Variants in SLC9A1 observed in about 807,000 individuals in gnomAD.
SLC9A1 encodes the protein sodium/hydrogen exchanger 1.
A neutral mutation model predicts 67.9 loss-of-function variants in SLC9A1; 22 were observed. That is an observed-to-expected ratio of 0.32 (90% confidence interval 0.23 to 0.46). The LOEUF is 0.46. SLC9A1 is among the 20% of genes least tolerant of loss of function. SLC9A1 has a pLI of 1.00. For missense variants in SLC9A1, 686 were observed against 1,094.8 expected (o/e 0.63, Z 5.27); for synonymous variants, 421 against 471.8 (o/e 0.89, Z 1.40).
In SLC9A1 at chr1:27,101,268, T is replaced by C. The variant is rs754995174; in HGVS notation, c.2045A>G (p.Asn682Ser). 4.3e-6 allele frequency: 7 copies of C among 1,611,748 alleles called. No homozygotes were observed. The highest frequency in any genetic ancestry group is 5.9e-6 in the Non-Finnish European group (7 of 1,179,684). The change falls in exon 11 of 12, where the codon AAC (asparagine) becomes AGC (serine). Residue 682 changes from asparagine (N) to serine (S), a missense_variant. Asn to Ser is a conservative substitution (Grantham distance 46, BLOSUM62 1). Around this residue, in one of 7 missense-constraint regions of SLC9A1, gnomAD observed 226 missense variants for 282.4 expected, o/e 0.80. Transcript: ENST00000263980. The surrounding 1 kb of genome is among the most constrained non-coding windows in gnomAD (Gnocchi z 4.9). ...KARQLEQKIN[N>S]YLTVPAHKLD... Reference sequence around the variant, plus strand: ...CTTGTGGGCTGGCACCGTCAGGTAGTTGTTGATCTGACAGAGAGGACAGAC... The same window carrying C: ...CTTGTGGGCTGGCACCGTCAGGTAGCTGTTGATCTGACAGAGAGGACAGAC...
At chr1:27,131,724 C>T (rs537512716) in intron 1 of SLC9A1, among the ~76,000 whole-genome samples, 80 of 133,884 alleles carry the variant, frequency 6.0e-4, no homozygotes, top group African/African-American at 2.1e-3. Context: ...TCCAGCCTGG[C>T]AACAGAATGA....
chr1:27,102,918 C>G, intron 6 of SLC9A1, 175 bp from the exon 7 acceptor site: 1 of 641,948 alleles, frequency 1.6e-6, no homozygotes, highest in Non-Finnish European at 2.8e-6. Flanking sequence ...GCGGCCCTGA[C>G]TCTGGGTATC....
chr1:27,108,140 C>G (rs985115114), intron 3 of SLC9A1, among the ~76,000 whole-genome samples: 1 of 149,060 alleles, frequency 6.7e-6, no homozygotes, highest in Non-Finnish European at 1.5e-5. Flanking sequence ...GATCTTGGCT[C>G]ACTGCAACCT....
In SLC9A1 at chr1:27,126,436, C is replaced by CG. The variant is rs370198060; in HGVS notation, c.353-12151dup. On this transcript the variant is annotated intron_variant, in intron 1 of 11. Transcript: ENST00000263980. ...CACTGGGCGAACCACAAGATGTTGTCGGGGGGGTCACCATCAGCTTGTCCC... is the reference window on the plus strand; with the variant it reads ...CACTGGGCGAACCACAAGATGTTGTCGGGGGGGGTCACCATCAGCTTGTCCC... Among the ~76,000 whole-genome samples, 276 of 152,188 alleles carry CG rather than the reference C, an allele frequency of 1.8e-3. 2 individuals carry two copies. In the Middle Eastern group the frequency reaches 0.021, roughly 11 times the overall value.
Position 27,100,757 on chromosome 1 carries a change from C to G in SLC9A1, c.2111-113G>C. 1.2e-6 allele frequency: 1 copy of G among 836,546 alleles called. No individual in the cohort carries two copies. The allele number at this position is 836,546 out of a possible 1,614,324, so 51.8% of individuals were successfully genotyped here. On this transcript the variant is annotated intron_variant, in intron 11 of 11. Coordinates refer to ENST00000263980, the MANE Select transcript of SLC9A1 (RefSeq NM_003047.5). The surrounding 1 kb of genome is among the most constrained non-coding windows in gnomAD (Gnocchi z 5.6). ...GGCCTTCTCATGAGCACAGCCGTCC[C>G]GGTCCCAACAGGCCTCAGAAGCAGG...
At chr1:27,124,704 G>A (rs1003342467) in intron 1 of SLC9A1, among the ~76,000 whole-genome samples, 1 of 152,172 alleles carries the variant, frequency 6.6e-6, no homozygotes, top group Non-Finnish European at 1.5e-5. Flanking sequence ...CAGCTTTATG[G>A]GGTCTATTGT....
At chr1:27,110,308 G>A (rs1461682361) in intron 2 of SLC9A1, among the ~76,000 whole-genome samples, 1 of 152,150 alleles carries the variant, frequency 6.6e-6, no homozygotes, top group African/African-American at 2.4e-5. Context: ...CACAAAAAAG[G>A]GACGTTCACA....
Position 27,100,590 on chromosome 1 carries a change from G to A in SLC9A1, c.2165C>T (p.Ala722Val), listed in dbSNP as rs757684057. ...EDLPVITIDPASPQSPESVDL... is the reference protein window; with the variant it reads ...EDLPVITIDPVSPQSPESVDL... ...CACAGACTCGGGTGACTGCGGGGAA[G>A]CCGGGTCGATGGTGATGACAGGCAG... Residue 722 changes from alanine (A) to valine (V), a missense_variant, in exon 12 of 12, where the codon GCT becomes GTT. Physicochemically the swap from Ala to Val is moderately conservative, Grantham distance 64. This residue lies in a region of SLC9A1 where 226 missense variants were observed against 282.4 expected (regional missense o/e 0.80). Coordinates refer to ENST00000263980, the MANE Select transcript of SLC9A1 (RefSeq NM_003047.5). The surrounding 1 kb of genome is among the most constrained non-coding windows in gnomAD (Gnocchi z 5.6). 6.2e-7 allele frequency: 1 copy of A among 1,613,776 alleles called. No individual in the cohort carries two copies. Among genetic ancestry groups the A allele is most frequent in the Non-Finnish European group, 8.5e-7 (1 of 1,179,776 alleles).
At chr1:27,107,247 CCCAGCCCTTCCACATAT>C (rs2083193838) in intron 4 of SLC9A1, among the ~76,000 whole-genome samples, 1 of 138,582 alleles carries the variant, frequency 7.2e-6, no homozygotes, top group African/African-American at 2.7e-5. Context: ...TACACACACA[CCCAGCCCTTCCACATAT>C]ACACCCAGCC....
intron 1 of SLC9A1, among the ~76,000 whole-genome samples, chr1:27,121,489 G>A (rs1391326456): frequency 6.6e-6 from 1 of 152,186 alleles, no homozygotes; most frequent in Non-Finnish European, 1.5e-5. Context: ...CTTGTGCACT[G>A]AAACGACTGA....
At chr1:27,108,073 T>TC (rs2083202345) in intron 3 of SLC9A1, among the ~76,000 whole-genome samples, 6 of 149,246 alleles carry the variant, frequency 4.0e-5, no homozygotes, top group Middle Eastern at 3.5e-3. Context: ...TTTTTTTTTT[T>TC]TTTTTTTTTT....
intron 5 of SLC9A1, chr1:27,104,076 CTTTTTTTTTTTTTT>C (rs776799812): frequency 8.4e-6 from 1 of 119,244 alleles, no homozygotes; most frequent in Admixed American, 9.2e-5. Context: ...GCCTCCTCCT[CTTTTTTTTTTTTTT>C]TTTTTTTTTG....
chr1:27,107,140 ACCCACACCC>A (rs2083191108), intron 4 of SLC9A1, among the ~76,000 whole-genome samples: 2 of 42,262 alleles, frequency 4.7e-5, no homozygotes, highest in South Asian at 9.7e-4. Context: ...ACACACACAC[ACCCACACCC>A]TCACAGCCCC....
At chr1:27,131,947 A>AAAAAAAAAAAATATATAT in intron 1 of SLC9A1, among the ~76,000 whole-genome samples, 1 of 52,122 alleles carries the variant, frequency 1.9e-5, no homozygotes, top group African/African-American at 6.4e-5. Flanking sequence ...AGAAAAAAAA[A>AAAAAAAAAAAATATATAT]ATATATATAT....
rs368031209 is a variant in SLC9A1, at chr1:27,118,909, G to A, written c.353-4623C>T. Among the ~76,000 whole-genome samples the A allele has an allele frequency of 3.1e-3, 465 of 152,264 alleles. 6 individuals carry two copies. Among genetic ancestry groups the A allele is most frequent in the African/African-American group, 0.01 (424 of 41,538 alleles). On this transcript the variant is annotated intron_variant, in intron 1 of 11. Coordinates refer to ENST00000263980, the MANE Select transcript of SLC9A1 (RefSeq NM_003047.5). The surrounding 1 kb of genome is among the most constrained non-coding windows in gnomAD (Gnocchi z 4.3). Reference sequence around the variant, plus strand: ...CAGAACAAGGAGGCACGAAAGTGTGGAATTCAACATCTCCAAGCACAGCCA... The same window carrying A: ...CAGAACAAGGAGGCACGAAAGTGTGAAATTCAACATCTCCAAGCACAGCCA...
intron 1 of SLC9A1, among the ~76,000 whole-genome samples, chr1:27,139,223 C>A (rs997670631): frequency 3.3e-5 from 5 of 152,176 alleles, no homozygotes; most frequent in Admixed American, 2.6e-4. Flanking sequence ...GGTGTCACGG[C>A]CATTGCCTGA....
In SLC9A1 at chr1:27,138,940, G is replaced by A. The variant is rs116350988; in HGVS notation, c.352+15043C>T. Among the ~76,000 whole-genome samples, 1,230 of 152,202 alleles carry A rather than the reference G, an allele frequency of 8.1e-3. 25 individuals carry two copies. The highest frequency in any genetic ancestry group is 0.027 in the African/African-American group (1,139 of 41,464). The stretch of plus-strand genomic sequence containing the variant: ...CCTGCAGGCAGACAGCAGTGGAGCC[G>A]CAAGACCATTCAGGAGGCCCGGGAA... On this transcript the variant is annotated intron_variant, in intron 1 of 11. Transcript: ENST00000263980.
intron 1 of SLC9A1, among the ~76,000 whole-genome samples, chr1:27,133,208 C>T (rs542698447): frequency 2.0e-5 from 3 of 152,246 alleles, no homozygotes; most frequent in Admixed American, 2.0e-4. Flanking sequence ...GCTGGGATTA[C>T]AGGCATGCAC....
At chr1:27,139,637 T>G (rs190042387) in intron 1 of SLC9A1, among the ~76,000 whole-genome samples, 2 of 152,178 alleles carry the variant, frequency 1.3e-5, no homozygotes, top group Non-Finnish European at 2.9e-5. Context: ...GCAAAACAGG[T>G]GAGTGAGGCG....
Sources: allele counts gnomAD v4.1 joint callset (sites outside exome capture counted in the v4.1 genomes callset), GRCh38; gene constraint gnomAD v4.1.1; regional missense constraint gnomAD v4.1.1; non-coding constraint Gnocchi (gnomAD v3.1); transcripts MANE v1.5; gene names NCBI Gene and HGNC (gene_info 2026-07-23, HGNC 2026-07-21).